The following ADCY10 variants were observed in gnomAD, a reference collection of about 807,000 sequenced individuals.
ADCY10 encodes adenylate cyclase 10, also known as adenylate cyclase type 10.
A neutral mutation model predicts 183.3 loss-of-function variants in ADCY10; 156 were observed. The ratio of observed to expected loss-of-function variants is 0.85; its 90% confidence interval spans 0.75 to 0.97. The LOEUF (loss-of-function observed/expected upper bound fraction) is 0.97, where lower values mean the gene tolerates loss of function less well. ADCY10 is among the 50% of genes least tolerant of loss of function. The pLI, the probability that ADCY10 is intolerant of heterozygous loss-of-function variation, is 0.00. For missense variants in ADCY10, 1,745 were observed against 1,934.3 expected (o/e 0.90, Z 1.84); for synonymous variants, 645 against 670.0 (o/e 0.96, Z 0.58).
intron 12 of ADCY10, among the ~76,000 whole-genome samples, chr1:167,877,164 T>C (rs534194447): frequency 4.9e-4 from 75 of 151,660 alleles, no homozygotes; most frequent in African/African-American, 1.8e-3. Context: ...ACTATAGATA[T>C]GGCCATAGAC....
At chr1:167,824,903 A>C in intron 26 of ADCY10, 48 bp from the exon 27 acceptor site, 2 of 1,548,454 alleles carry the variant, frequency 1.3e-6, no homozygotes. Flanking sequence ...CAAAGCAGAA[A>C]GCTCAGGAAC....
chr1:167,880,311 C>T (rs923422278), intron 10 of ADCY10, 120 bp from the exon 11 acceptor site: 11 of 1,066,436 alleles, frequency 1.0e-5, no homozygotes, highest in East Asian at 1.0e-4. Context: ...TTTCTCTACC[C>T]GTTGGAATTA....
intron 23 of ADCY10, among the ~76,000 whole-genome samples, chr1:167,835,220 T>C (rs891579123): frequency 6.6e-6 from 1 of 152,120 alleles, no homozygotes; most frequent in Non-Finnish European, 1.5e-5. Context: ...AGCTGCTCCA[T>C]GAAAAGAGAT....
In ADCY10 at chr1:167,836,355, AAGT is replaced by A; in HGVS notation, c.3260_3262del (p.Tyr1087del). On this transcript the variant is annotated inframe_deletion, in exon 23 of 33. Transcript: ENST00000367851. ...GAGATAAGCAGATGCAATTTCTAAG[AAGT>A]AATATAAGGCTTTGTCATTTTCTCC... 6.2e-7 allele frequency: 1 copy of A among 1,614,094 alleles called. No homozygotes were observed. The highest frequency in any genetic ancestry group is 1.1e-5 in the South Asian group (1 of 91,076).
intron 31 of ADCY10, 30 bp from the exon 32 acceptor site, chr1:167,810,943 T>C: frequency 6.2e-7 from 1 of 1,608,180 alleles, no homozygotes; most frequent in South Asian, 1.1e-5. Flanking sequence ...AACAGTATAT[T>C]AGAATTAAAC....
At chr1:167,826,397 T>A (rs1348552198) in intron 26 of ADCY10, among the ~76,000 whole-genome samples, 1 of 152,252 alleles carries the variant, frequency 6.6e-6, no homozygotes, top group African/African-American at 2.4e-5. Flanking sequence ...GGCGGAGTCC[T>A]GGAAACCACC....
At chr1:167,820,331 G>T in intron 30 of ADCY10, 1 of 956,242 alleles carries the variant, frequency 1.0e-6, no homozygotes, top group Non-Finnish European at 1.5e-6. Context: ...CCGGCCTTGA[G>T]GGGCGGGGCC....
intron 8 of ADCY10, among the ~76,000 whole-genome samples, chr1:167,890,568 C>T (rs1268723899): frequency 6.7e-6 from 1 of 150,190 alleles, no homozygotes; most frequent in Admixed American, 6.7e-5. Context: ...AGGCTACCAC[C>T]TATTTTTGTT....
chr1:167,816,396 A>T (rs1322819014), intron 31 of ADCY10, among the ~76,000 whole-genome samples: 2 of 152,014 alleles, frequency 1.3e-5, no homozygotes, highest in African/African-American at 2.4e-5. Context: ...AAATACAAAA[A>T]TTAGTCAGGC....
chr1:167,841,659 T>C (rs1178345566), intron 21 of ADCY10, among the ~76,000 whole-genome samples: 1 of 152,108 alleles, frequency 6.6e-6, no homozygotes, highest in Non-Finnish European at 1.5e-5. Flanking sequence ...CGCACCTGGC[T>C]AATTCTTTTT....
chr1:167,809,661 CTTT>C lies in ADCY10; in HGVS notation c.*14_*16del. The C allele has an allele frequency of 1.2e-6, 2 of 1,613,732 alleles. No homozygotes were observed. The highest frequency in any genetic ancestry group is 1.7e-4 in the Middle Eastern group (1 of 6,060). On this transcript the variant is annotated 3_prime_UTR_variant, in exon 33 of 33. Coordinates refer to ENST00000367851, the MANE Select transcript of ADCY10 (RefSeq NM_018417.6). ...ACAAGGACATAGTGCTTATTAAAATCTTTTTTCTTTGACATGTTAGAAATGATT... is the reference window on the plus strand; with the variant it reads ...ACAAGGACATAGTGCTTATTAAAATCTTTCTTTGACATGTTAGAAATGATT...
Position 167,829,376 on chromosome 1 carries a change from A to G in ADCY10, c.3641T>C (p.Leu1214Ser), listed in dbSNP as rs757798992. ...QLYRQTVCLS[L>S]LWRIYSYSYL... is the part of the protein sequence containing the mutation. The stretch of plus-strand genomic sequence containing the variant: ...ACTGTAGCTATAGATGCGCCACAGC[A>G]AGGAAAGGCAGACAGTTTGCCGGTA... Residue 1214 changes from leucine (L) to serine (S), a missense_variant, in exon 26 of 33, where the codon TTG becomes TCG. Coordinates refer to ENST00000367851, the MANE Select transcript of ADCY10 (RefSeq NM_018417.6). The G allele has an allele frequency of 8.1e-6, 13 of 1,614,092 alleles. No individual in the cohort carries two copies. In the South Asian group the frequency reaches 1.4e-4, roughly 18 times the overall value.
intron 5 of ADCY10, among the ~76,000 whole-genome samples, chr1:167,900,387 C>T (rs1193992959): frequency 6.6e-6 from 1 of 152,180 alleles, no homozygotes; most frequent in African/African-American, 2.4e-5. Context: ...ACCCACCTCA[C>T]TAACAGCCAA....
rs2032578 is a variant in ADCY10 at position 167,836,575 on chromosome 1, T to A, written c.3078-35A>T. 7 of 1,383,262 alleles carry A rather than the reference T, an allele frequency of 5.1e-6. No individual in the cohort carries two copies. The East Asian group carries it at 1.6e-4, about 32-fold the overall frequency. The allele number at this position is 1,383,262 out of a possible 1,614,324, so 85.7% of individuals were successfully genotyped here. A position where few individuals can be genotyped will look rare whatever the true frequency, so the allele number is the denominator to read the frequency against. ...TGCAGAAATAAATAATAGTAACTTA[T>A]ACAGTATCACTTTTGATATTAAAAT... On this transcript the variant is annotated intron_variant, in intron 22 of 32. Coordinates refer to ENST00000367851, the MANE Select transcript of ADCY10 (RefSeq NM_018417.6).
chr1:167,812,158 C>T (rs1386976265), intron 31 of ADCY10, among the ~76,000 whole-genome samples: 2 of 152,202 alleles, frequency 1.3e-5, no homozygotes, highest in Non-Finnish European at 2.9e-5. Flanking sequence ...GCTCTGATCA[C>T]CAATTGCTGC....
At chr1:167,908,010 C>T (rs12073878) in intron 1 of ADCY10, among the ~76,000 whole-genome samples, 2 of 152,062 alleles carry the variant, frequency 1.3e-5, no homozygotes, top group Non-Finnish European at 2.9e-5. Flanking sequence ...ATGCAGGTTC[C>T]TAAAAAATTA....
At chr1:167,831,043 C>T (rs2101894989) in intron 25 of ADCY10, among the ~76,000 whole-genome samples, 1 of 152,288 alleles carries the variant, frequency 6.6e-6, no homozygotes, top group African/African-American at 2.4e-5. Flanking sequence ...TTAAGCTGTG[C>T]CCCGACCACC....
intron 31 of ADCY10, among the ~76,000 whole-genome samples, chr1:167,816,496 A>G (rs1409891500): frequency 6.6e-6 from 1 of 152,194 alleles, no homozygotes; most frequent in African/African-American, 2.4e-5. Flanking sequence ...CAGTGAGTCA[A>G]GATCACGCCA....
chr1:167,834,572 T>A (rs1664050279), intron 23 of ADCY10: 1 of 224,210 alleles, frequency 4.5e-6, no homozygotes, highest in Non-Finnish European at 9.0e-6. Flanking sequence ...CCTGCACAAC[T>A]CTCATCACTT....
Sources: gnomAD v4.1 joint callset for allele counts (sites outside exome capture counted in the v4.1 genomes callset) on GRCh38, gnomAD v4.1.1 for gene constraint, MANE v1.5 for transcripts, NCBI Gene and HGNC (gene_info 2026-07-23, HGNC 2026-07-21) for gene names.